The following ANK1 variants were observed in gnomAD, a reference collection of about 807,000 sequenced individuals.
ANK1 encodes ankyrin 1.
ANK1 carries 51 observed loss-of-function variants against 210.4 expected under a neutral mutation model. The ratio of observed to expected loss-of-function variants is 0.24; its 90% CI spans 0.19 to 0.31. The LOEUF is 0.31. Ranked by LOEUF, ANK1 falls within the 10% of genes least tolerant of loss-of-function variation. The pLI is 1.00. For missense variants in ANK1, 2,051 were observed against 2,504.4 expected (o/e 0.82, Z 3.86); for synonymous variants, 967 against 1,025.9 (o/e 0.94, Z 1.10).
chr8:41,827,741 CGCAT>C, intron 1 of ANK1, among the ~76,000 whole-genome samples: 1 of 148,432 alleles, frequency 6.7e-6, no homozygotes, highest in Middle Eastern at 3.5e-3. Context: ...CATCCACACA[CGCAT>C]ACATACACCC....
Position 41,698,134 on chromosome 8 carries a change from A to G in ANK1, c.2559-13T>C. Reference sequence around the variant, plus strand: ...TGGAGATTCCACCCTGCGTGCCAAGAACACCAGAACATCACAGGGCTGATC... The same window carrying G: ...TGGAGATTCCACCCTGCGTGCCAAGGACACCAGAACATCACAGGGCTGATC... On this transcript the variant is annotated splice_polypyrimidine_tract_variant and intron_variant, in intron 23 of 42. Transcript: ENST00000289734. 1.2e-6 allele frequency: 2 copies of G among 1,613,726 alleles called. No individual in the cohort carries two copies. The highest frequency in any genetic ancestry group is 1.7e-6 in the Non-Finnish European group (2 of 1,179,800).
At position 41,656,728 on chromosome 8, in the gene ANK1, G is replaced by A. The variant is rs746444759; in HGVS notation, c.*37-975C>T. 6.6e-5 allele frequency among the ~76,000 whole-genome samples: 10 copies of A among 152,212 alleles called. No homozygotes were observed. In the South Asian group the frequency reaches 1.0e-3, roughly 16 times the overall value. The stretch of plus-strand genomic sequence containing the variant: ...GGAGGCAGGAGCTCATTCGGAGGTG[G>A]AGCCATCCCCAGACATAGAGCTGTT... On this transcript the variant is annotated intron_variant, in intron 42 of 42. Transcript: ENST00000289734.
At chr8:41,723,410 C>T in intron 8 of ANK1, 125 bp downstream of exon 8, 3 of 1,224,032 alleles carry the variant, frequency 2.5e-6, no homozygotes, top group Non-Finnish European at 3.6e-6. Flanking sequence ...AATACTGCTG[C>T]AGGCGGCTCC....
At chr8:41,847,413 G>C (rs1354093006) in intron 1 of ANK1, among the ~76,000 whole-genome samples, 2 of 152,224 alleles carry the variant, frequency 1.3e-5, no homozygotes, top group Non-Finnish European at 2.9e-5. Context: ...ATTGCTGACT[G>C]CAAAGGAGGC....
intron 1 of ANK1, among the ~76,000 whole-genome samples, chr8:41,768,077 G>A (rs1292580728): frequency 1.3e-5 from 2 of 152,244 alleles, no homozygotes; most frequent in African/African-American, 4.8e-5. Flanking sequence ...CCGAGGCTGT[G>A]TCCGTGCAGT....
intron 1 of ANK1, among the ~76,000 whole-genome samples, chr8:41,863,236 G>A (rs1010437335): frequency 4.6e-5 from 7 of 150,672 alleles, no homozygotes; most frequent in Non-Finnish European, 8.9e-5. Flanking sequence ...GCGGGCGCCT[G>A]TAGTCCCAGC....
intron 18 of ANK1, among the ~76,000 whole-genome samples, chr8:41,705,049 T>C (rs2150614199): frequency 6.6e-6 from 1 of 152,362 alleles, no homozygotes; most frequent in East Asian, 1.9e-4. Flanking sequence ...ATGGAATTTA[T>C]GAGAACTGGT....
At chr8:41,661,847 G>A in intron 41 of ANK1, 29 bp downstream of exon 41, 1 of 1,614,102 alleles carries the variant, frequency 6.2e-7, no homozygotes, top group Non-Finnish European at 8.5e-7. Flanking sequence ...CAGCTCACTG[G>A]GATCCTCCAG....
At position 41,849,802 on chromosome 8, in the gene ANK1, C is replaced by G. The variant is rs570658500; in HGVS notation, c.126+46553G>C. Among the ~76,000 whole-genome samples, 7 of 152,336 alleles carry G rather than the reference C, an allele frequency of 4.6e-5. No homozygotes were observed. In the South Asian group the frequency reaches 1.2e-3, roughly 27 times the overall value. On this transcript the variant is annotated intron_variant, in intron 1 of 42. Transcript: ENST00000265709. The stretch of plus-strand genomic sequence containing the variant: ...GTCAGCACGTCACTCACAATTTTCT[C>G]TCTTCCTCTTAACTCTTTTTCACCA...
chr8:41,665,567 C>T (rs939898210), intron 39 of ANK1: 2 of 321,456 alleles, frequency 6.2e-6, no homozygotes, highest in East Asian at 8.5e-5. Flanking sequence ...AAAGCAGCTA[C>T]TTGTGTGTCT....
chr8:41,658,030 T>C (rs1285444941), intron 42 of ANK1, among the ~76,000 whole-genome samples: 2 of 152,188 alleles, frequency 1.3e-5, no homozygotes, highest in Non-Finnish European at 2.9e-5. Context: ...TACAGGTGTA[T>C]GCCACCATGT....
intron 1 of ANK1, among the ~76,000 whole-genome samples, chr8:41,802,836 G>C (rs1183777173): frequency 6.6e-6 from 1 of 150,522 alleles, no homozygotes; most frequent in Non-Finnish European, 1.5e-5. Context: ...CCTGAGCCTG[G>C]GAAGTCATTG....
intron 1 of ANK1, among the ~76,000 whole-genome samples, chr8:41,771,305 G>T (rs920144263): frequency 6.6e-5 from 10 of 151,786 alleles, no homozygotes; most frequent in African/African-American, 2.4e-4. Context: ...TGGGTAAGCT[G>T]TACGACTTGG....
intron 1 of ANK1, among the ~76,000 whole-genome samples, chr8:41,880,998 G>C (rs1410926974): frequency 6.6e-6 from 1 of 152,258 alleles, no homozygotes; most frequent in Non-Finnish European, 1.5e-5. Flanking sequence ...AAGAGCCATT[G>C]CTCATAAGGG....
rs77263373 is a variant in ANK1, at chr8:41,667,018, C to T, written c.5394+1249G>A. Among the ~76,000 whole-genome samples, 683 of 152,312 alleles carry T rather than the reference C, an allele frequency of 4.5e-3. 7 individuals are homozygous for T. The highest frequency in any genetic ancestry group is 0.035 in the East Asian group (179 of 5,184). ...GGGCAGTGGAAAAAAGTGCTGTAGG[C>T]GTCTTTCTCTTTCCCCAGGGATTCA... On this transcript the variant is annotated intron_variant, in intron 39 of 42. Transcript: ENST00000289734.
rs1259031440 is a variant in ANK1, at chr8:41,725,869, G to C, written c.504C>G (p.Thr168=). 6.2e-7 allele frequency: 1 copy of C among 1,613,084 alleles called. No individual in the cohort carries two copies. Among genetic ancestry groups the C allele is most frequent in the African/African-American group, 1.3e-5 (1 of 75,048 alleles). Residue 168 remains threonine (T), a synonymous_variant, in exon 6 of 43, where the codon ACC becomes ACG. Transcript: ENST00000289734. ...GGGCCGGGAGGCGCACCTTCCCCTTGGTGCCGTAGTTGATGAGGTGCGCGA... is the reference window on the plus strand; with the variant it reads ...GGGCCGGGAGGCGCACCTTCCCCTTCGTGCCGTAGTTGATGAGGTGCGCGA... The part of the protein sequence containing the change: ...NVVAHLINYG[T]KGKVRLPALH...
chr8:41,688,633 C>A, intron 33 of ANK1, 44 bp from the exon 34 acceptor site: 2 of 1,565,518 alleles, frequency 1.3e-6, no homozygotes, highest in Non-Finnish European at 1.8e-6. Flanking sequence ...ACTCTCCCCA[C>A]CTTCCCAGAG....
intron 23 of ANK1, 47 bp from the exon 24 acceptor site, chr8:41,698,168 C>T (rs1244739316): frequency 1.3e-6 from 2 of 1,583,900 alleles, no homozygotes; most frequent in South Asian, 1.1e-5. Flanking sequence ...TCCACATGTG[C>T]ACACAGCTCC....
chr8:41,889,315 G>A (rs115569722), intron 1 of ANK1, among the ~76,000 whole-genome samples: 2,785 of 152,288 alleles, frequency 0.018, 86 homozygotes, highest in African/African-American at 0.061. Context: ...TCAACCTATT[G>A]GGCGACAGAG....
Sources: allele counts gnomAD v4.1 joint callset (sites outside exome capture counted in the v4.1 genomes callset), GRCh38; gene constraint gnomAD v4.1.1; transcripts MANE v1.5; gene names NCBI Gene and HGNC (gene_info 2026-07-23, HGNC 2026-07-21).